The following ENTREP2 variants were observed in gnomAD, a reference collection of about 807,000 sequenced individuals.
ENTREP2 encodes endosomal transmembrane epsin interactor 2.
At chr15:29,568,725 AAAAAAAAAAAG>A in the ENTREP2 span, among the ~76,000 whole-genome samples, 1 of 43,746 alleles carries the variant, frequency 2.3e-5, no homozygotes, top group African/African-American at 4.1e-5. Context: ...AAAAAAAAAA[AAAAAAAAAAAG>A]AATAGGTTAG....
chr15:29,245,764 GAA>G, the ENTREP2 span, among the ~76,000 whole-genome samples: 302 of 152,142 alleles, frequency 2.0e-3, 1 homozygote, highest in African/African-American at 6.7e-3. Context: ...TTAAAGAAAT[GAA>G]AATTACATAA....
the ENTREP2 span, among the ~76,000 whole-genome samples, chr15:29,469,067 G>A: frequency 0.51 from 77,251 of 151,518 alleles, 20,862 homozygotes; most frequent in African/African-American, 0.71. Flanking sequence ...ACCCCATCCC[G>A]ATAGCCCCCT....
At chr15:29,564,259 C>T in the ENTREP2 span, among the ~76,000 whole-genome samples, 1 of 152,218 alleles carries the variant, frequency 6.6e-6, no homozygotes, top group Non-Finnish European at 1.5e-5. Flanking sequence ...AGATCTCTTG[C>T]CTCTAGTCCT....
chr15:29,665,191 C>G, the ENTREP2 span, among the ~76,000 whole-genome samples: 1 of 152,250 alleles, frequency 6.6e-6, no homozygotes, highest in African/African-American at 2.4e-5. Flanking sequence ...GCACCTTCCT[C>G]TCTGCTAGTG....
the ENTREP2 span, among the ~76,000 whole-genome samples, chr15:29,194,859 C>T: frequency 6.6e-6 from 1 of 152,280 alleles, no homozygotes; most frequent in Non-Finnish European, 1.5e-5. Flanking sequence ...TGTTGAACAC[C>T]CCAACCAGCC....
chr15:29,299,677 C>G, the ENTREP2 span, among the ~76,000 whole-genome samples: 1 of 152,156 alleles, frequency 6.6e-6, no homozygotes, highest in African/African-American at 2.4e-5. Flanking sequence ...GTAATTATCA[C>G]TTTATAATAT....
chr15:29,337,872 T>C, the ENTREP2 span, among the ~76,000 whole-genome samples: 2 of 152,162 alleles, frequency 1.3e-5, no homozygotes, highest in Non-Finnish European at 2.9e-5. Context: ...GGGATTCCCA[T>C]CCAGGCATCC....
chr15:29,290,853 A>G, the ENTREP2 span, among the ~76,000 whole-genome samples: 1 of 152,216 alleles, frequency 6.6e-6, no homozygotes, highest in Non-Finnish European at 1.5e-5. Context: ...TGGGAGCCAA[A>G]GGGAGTGAAG....
At chr15:29,666,728 T>C in the ENTREP2 span, among the ~76,000 whole-genome samples, 2 of 152,224 alleles carry the variant, frequency 1.3e-5, no homozygotes, top group Non-Finnish European at 1.5e-5. Flanking sequence ...CCCTGAGTTA[T>C]CAGTTCCTGG....
At chr15:29,214,699 A>T in the ENTREP2 span, among the ~76,000 whole-genome samples, 1 of 151,778 alleles carries the variant, frequency 6.6e-6, no homozygotes, top group African/African-American at 2.4e-5. Flanking sequence ...ATAAAAAAAA[A>T]AAATGTAAAA....
the ENTREP2 span, among the ~76,000 whole-genome samples, chr15:29,279,376 T>A: frequency 6.6e-6 from 1 of 152,070 alleles, no homozygotes; most frequent in African/African-American, 2.4e-5. Flanking sequence ...TGGGATTTTT[T>A]TTTTTTTGAG....
the ENTREP2 span, among the ~76,000 whole-genome samples, chr15:29,480,068 T>C: frequency 0.36 from 54,122 of 151,900 alleles, 9,724 homozygotes; most frequent in East Asian, 0.41. Context: ...ACTGATGTGA[T>C]CTGTTATTAA....
chr15:29,223,120 C>T, the ENTREP2 span, among the ~76,000 whole-genome samples: 1 of 152,182 alleles, frequency 6.6e-6, no homozygotes, highest in African/African-American at 2.4e-5. Context: ...TGACTGGTCA[C>T]CTGACGGCCA....
the ENTREP2 span, among the ~76,000 whole-genome samples, chr15:29,166,962 A>T: frequency 6.6e-6 from 1 of 152,224 alleles, no homozygotes; most frequent in Non-Finnish European, 1.5e-5. Context: ...GTACTAGTAT[A>T]AAAATAAGCA....
chr15:29,505,306 G>A, the ENTREP2 span, among the ~76,000 whole-genome samples: 1 of 152,240 alleles, frequency 6.6e-6, no homozygotes, highest in South Asian at 2.1e-4. This position sits in a 1 kb window ranked among gnomAD's most constrained non-coding sequence, Gnocchi z 4.3. Flanking sequence ...GCACCTGGGG[G>A]ATGGGACAGC....
chr15:29,520,376 T>A, the ENTREP2 span, among the ~76,000 whole-genome samples: 1 of 152,166 alleles, frequency 6.6e-6, no homozygotes, highest in Non-Finnish European at 1.5e-5. Flanking sequence ...ATTTAGGTGA[T>A]CAAATAGCAA....
chr15:29,595,067 CAAAAAAAA>C, the ENTREP2 span, among the ~76,000 whole-genome samples: 43 of 86,594 alleles, frequency 5.0e-4, 4 homozygotes, highest in Non-Finnish European at 6.3e-4. Flanking sequence ...GACTCCGTCT[CAAAAAAAA>C]AAAAAAAAAA....
At chr15:29,218,219 G>C in the ENTREP2 span, among the ~76,000 whole-genome samples, 6 of 152,244 alleles carry the variant, frequency 3.9e-5, no homozygotes, top group East Asian at 1.2e-3. Flanking sequence ...TTTTGTGCTG[G>C]TTGGCCTCCT....
chr15:29,649,104 T>A, the ENTREP2 span, among the ~76,000 whole-genome samples: 1 of 146,818 alleles, frequency 6.8e-6, no homozygotes, highest in East Asian at 2.1e-4. Flanking sequence ...CTATTATGCC[T>A]TGGTGTTGTA....
Sources: allele counts gnomAD v4.1 joint callset (sites outside exome capture counted in the v4.1 genomes callset), GRCh38; gene constraint gnomAD v4.1.1; non-coding constraint Gnocchi (gnomAD v3.1); transcripts MANE v1.5; gene names NCBI Gene and HGNC (gene_info 2026-07-23, HGNC 2026-07-21).